The following IL1RAPL1 variants were observed in gnomAD, a reference collection of about 807,000 sequenced individuals.
The protein encoded by IL1RAPL1 is interleukin 1 receptor accessory protein like 1, also known as interleukin-1 receptor accessory protein-like 1.
In IL1RAPL1, 3 loss-of-function variants were observed where a neutral mutation model predicts 48.4. That is an observed-to-expected ratio of 0.06 (90% CI 0.03 to 0.16). IL1RAPL1 has a LOEUF of 0.16. Ranked by LOEUF, IL1RAPL1 falls within the 10% of genes least tolerant of loss-of-function variation. The pLI is 1.00. For missense variants in IL1RAPL1, 349 were observed against 530.6 expected (o/e 0.66, Z 3.36); for synonymous variants, 185 against 187.7 (o/e 0.99, Z 0.12).
intron 9 of IL1RAPL1, among the ~76,000 whole-genome samples, chrX:29,952,942 GAA>G (rs1174808242): frequency 1.8e-5 from 2 of 111,436 alleles, no homozygotes; most frequent in African/African-American, 6.5e-5. Flanking sequence ...AGTTTGCCCT[GAA>G]AAGTTATAAT....
chrX:29,020,422 A>G (rs909259138), intron 2 of IL1RAPL1, among the ~76,000 whole-genome samples: 2 of 112,412 alleles, frequency 1.8e-5, no homozygotes, highest in Non-Finnish European at 3.8e-5. Flanking sequence ...TACAGTATTC[A>G]GTACAGTGAT....
At chrX:29,606,649 C>G (rs1569125591) in intron 5 of IL1RAPL1, among the ~76,000 whole-genome samples, 2 of 112,129 alleles carry the variant, frequency 1.8e-5, no homozygotes, top group Non-Finnish European at 3.8e-5. Context: ...ACAGTCTCTA[C>G]CACACAGACT....
intron 8 of IL1RAPL1, among the ~76,000 whole-genome samples, chrX:29,936,289 C>T (rs1292905051): frequency 3.6e-5 from 4 of 110,725 alleles, no homozygotes; most frequent in African/African-American, 1.3e-4. Flanking sequence ...CTTTATAACA[C>T]AATGAGAGAA....
chrX:29,703,397 C>T (rs915971084), intron 6 of IL1RAPL1, among the ~76,000 whole-genome samples: 4 of 110,589 alleles, frequency 3.6e-5, no homozygotes, highest in African/African-American at 9.9e-5. Flanking sequence ...GGCCAGAGTG[C>T]GGTGGCGTGA....
chrX:29,323,728 T>C (rs1358991663), intron 3 of IL1RAPL1, among the ~76,000 whole-genome samples: 1 of 4,279 alleles, frequency 2.3e-4, no homozygotes, highest in East Asian at 7.2e-3. Context: ...TATATATATA[T>C]ATATATATAT....
intron 8 of IL1RAPL1, 54 bp from the exon 9 acceptor site, chrX:29,941,597 A>T: frequency 8.8e-7 from 1 of 1,134,960 alleles, no homozygotes; most frequent in East Asian, 3.0e-5. Context: ...AGTTTAATTT[A>T]TGATTTTGGA....
chrX:29,487,795 T>C (rs913359237), intron 5 of IL1RAPL1, among the ~76,000 whole-genome samples: 1 of 111,994 alleles, frequency 8.9e-6, no homozygotes, highest in Non-Finnish European at 1.9e-5. Flanking sequence ...ATCTCCTGGG[T>C]AGATGTAGCT....
At chrX:29,365,001 G>A (rs11095149) in intron 3 of IL1RAPL1, among the ~76,000 whole-genome samples, 45,403 of 110,889 alleles carry the variant, frequency 0.41, 7,676 homozygotes, top group Middle Eastern at 0.63. Flanking sequence ...TACAATCTAC[G>A]TTGAAGAAAA....
At chrX:28,610,613 A>C (rs1678196705) in intron 1 of IL1RAPL1, among the ~76,000 whole-genome samples, 1 of 111,691 alleles carries the variant, frequency 9.0e-6, no homozygotes, top group South Asian at 3.8e-4. Flanking sequence ...GAACACCAAT[A>C]TTTTTTTACC....
chrX:29,852,205 A>C (rs1931383287), intron 6 of IL1RAPL1, among the ~76,000 whole-genome samples: 1 of 112,879 alleles, frequency 8.9e-6, no homozygotes, highest in African/African-American at 3.2e-5. Flanking sequence ...ATGAAATGGG[A>C]GATGAATCTG....
chrX:29,729,366 T>A (rs1927860195), intron 6 of IL1RAPL1, among the ~76,000 whole-genome samples: 1 of 111,733 alleles, frequency 8.9e-6, no homozygotes, highest in African/African-American at 3.3e-5. Context: ...CAGACTGTTC[T>A]GTAAAAAGGC....
chrX:29,895,907 C>A (rs894650801), intron 6 of IL1RAPL1, among the ~76,000 whole-genome samples: 20 of 111,515 alleles, frequency 1.8e-4, no homozygotes, highest in African/African-American at 6.5e-4. Flanking sequence ...TAAGCCCATT[C>A]TTGCATGTAT....
intron 5 of IL1RAPL1, among the ~76,000 whole-genome samples, chrX:29,635,701 G>A (rs1244553348): frequency 3.7e-5 from 4 of 107,662 alleles, no homozygotes; most frequent in Non-Finnish European, 7.7e-5. Context: ...AAGCAACAGA[G>A]AAAACAGAAA....
chrX:29,943,440 A>G (rs1372102748), intron 9 of IL1RAPL1, among the ~76,000 whole-genome samples: 1 of 112,089 alleles, frequency 8.9e-6, no homozygotes, highest in Non-Finnish European at 1.9e-5. Context: ...AACTTACTCA[A>G]GAAGATAACA....
intron 5 of IL1RAPL1, among the ~76,000 whole-genome samples, chrX:29,552,802 C>CCTTT (rs766024975): frequency 2.6e-4 from 6 of 23,006 alleles, no homozygotes; most frequent in Admixed American, 5.9e-4. Context: ...TTTCACTCTC[C>CCTTT]TTTTTTTTTT....
At position 29,596,248 on chromosome X, in the gene IL1RAPL1, CT is replaced by C. The variant is rs755584730; in HGVS notation, c.704-72178del. Among the ~76,000 whole-genome samples the C allele has an allele frequency of 1.5e-4, 17 of 111,200 alleles. No individual in the cohort carries two copies. In the East Asian group the frequency reaches 3.4e-3, roughly 22 times the overall value. ...TGGTTCCATATGAATTTTAGGACGG[CT>C]TTTCTAGTTCTGTGAAGAATGGTGT... On this transcript the variant is annotated intron_variant, in intron 5 of 10. Transcript: ENST00000378993.
chrX:29,823,179 A>AATC (rs1327523731), intron 6 of IL1RAPL1, among the ~76,000 whole-genome samples: 1 of 111,711 alleles, frequency 9.0e-6, no homozygotes, highest in African/African-American at 3.3e-5. Context: ...CCTGAAGATT[A>AATC]ATCTAGCCGC....
At chrX:29,620,826 C>T (rs1234887441) in intron 5 of IL1RAPL1, among the ~76,000 whole-genome samples, 2 of 112,331 alleles carry the variant, frequency 1.8e-5, no homozygotes, top group East Asian at 5.5e-4. Context: ...TTATCAGTGA[C>T]TTACTTACGT....
intron 1 of IL1RAPL1, among the ~76,000 whole-genome samples, chrX:28,693,816 CTA>C (rs2146926554): frequency 9.0e-6 from 1 of 111,715 alleles, no homozygotes; most frequent in African/African-American, 3.2e-5. Flanking sequence ...TGTGGTTCCT[CTA>C]TGAGTCCTTC....
Sources: allele counts gnomAD v4.1 joint callset (sites outside exome capture counted in the v4.1 genomes callset), GRCh38; gene constraint gnomAD v4.1.1; transcripts MANE v1.5; gene names NCBI Gene and HGNC (gene_info 2026-07-23, HGNC 2026-07-21).